The following CHST12 variants were observed in gnomAD, a reference collection of about 807,000 sequenced individuals.
The protein encoded by CHST12 is carbohydrate sulfotransferase 12.
In CHST12, 23 loss-of-function variants were observed where a neutral mutation model predicts 27.9. That is an observed-to-expected ratio of 0.82 (90% CI 0.59 to 1.17). The LOEUF is 1.17. Among genes scored for constraint, CHST12 ranks in the 50% most tolerant of loss-of-function variants. The pLI is 0.00. For missense variants in CHST12, 682 were observed against 603.0 expected, an observed-to-expected ratio of 1.13 and a Z score of -1.37; for synonymous variants, 322 against 273.0, an observed-to-expected ratio of 1.18 and a Z score of -1.77.
intron 1 of CHST12, among the ~76,000 whole-genome samples, chr7:2,410,041 C>T (rs1781624568): frequency 6.6e-6 from 1 of 152,032 alleles, no homozygotes; most frequent in East Asian, 1.9e-4. Flanking sequence ...TTCCTGAGTT[C>T]AAGCAATTAT....
rs1333574687 is a variant in CHST12, at chr7:2,433,675, G to A, written c.1036G>A (p.Asp346Asn). The change falls in exon 2 of 2, where the codon GAC becomes AAC. Residue 346 changes from aspartate to asparagine, a missense_variant. By Grantham distance (23) the Asp-to-Asn change is conservative (BLOSUM62 1). Transcript: ENST00000618655. The surrounding 1 kb of genome is among the most constrained non-coding windows in gnomAD (Gnocchi z 6.1). ...YDFVGKLETL[D>N]EDAAQLLQLL... ...CTTCGTGGGGAAGCTGGAGACTCTGGACGAGGACGCCGCGCAGCTGCTGCA... is the reference window on the plus strand; with the variant it reads ...CTTCGTGGGGAAGCTGGAGACTCTGAACGAGGACGCCGCGCAGCTGCTGCA... The A allele has an allele frequency of 4.3e-6, 7 of 1,613,440 alleles. No individual in the cohort carries two copies. The highest frequency in any genetic ancestry group is 5.1e-6 in the Non-Finnish European group (6 of 1,179,688).
rs570612473 is a variant in CHST12 at position 2,443,123 on chromosome 7, A to C, written c.*9239A>C. On this transcript the variant is annotated 3_prime_UTR_variant, in exon 2 of 2. Transcript: ENST00000618655. ...TTATTTGTTTATTTATTATTTTTTG[A>C]GGTGGAGTCTTGCTGTCACCCAGGC... 6.6e-6 allele frequency: 1 copy of C among 151,836 alleles called. No individual in the cohort carries two copies. The highest frequency in any genetic ancestry group is 6.6e-5 in the Admixed American group (1 of 15,234). 9.4% of individuals were successfully genotyped at this position (151,836 alleles called of 1,614,324 possible).
In CHST12 at chr7:2,445,349, G is replaced by A. The variant is rs1325464643; in HGVS notation, c.*11465G>A. 2.0e-5 allele frequency: 3 copies of A among 152,280 alleles called. No homozygotes were observed. The highest frequency in any genetic ancestry group is 7.2e-5 in the African/African-American group (3 of 41,446). The allele number at this position is 152,280 out of a possible 1,614,324, so 9.4% of individuals were successfully genotyped here. A position where few individuals can be genotyped will look rare whatever the true frequency, so the allele number is the denominator to read the frequency against. ...CATCTTCAGAAAAAAGCTCCTGTGG[G>A]ATATTTCTCCTCCAGCCGACCCCGC... is the stretch of plus-strand genomic sequence containing the variant. On this transcript the variant is annotated 3_prime_UTR_variant, in exon 2 of 2. Transcript: ENST00000618655.
At chr7:2,411,993 C>CAG (rs1781679175) in intron 1 of CHST12, among the ~76,000 whole-genome samples, 1 of 152,152 alleles carries the variant, frequency 6.6e-6, no homozygotes, top group Non-Finnish European at 1.5e-5. Flanking sequence ...GAAGGGCCAA[C>CAG]AGAGGGCTTA....
chr7:2,419,230 G>A (rs1245583920), intron 1 of CHST12, among the ~76,000 whole-genome samples: 2 of 152,110 alleles, frequency 1.3e-5, no homozygotes, highest in Non-Finnish European at 2.9e-5. Context: ...TCAACATGGT[G>A]AAACCCCATC....
chr7:2,433,081 G>C lies in CHST12; in HGVS notation c.442G>C (p.Asp148His), dbSNP rs17132405. Residue 148 changes from aspartate (D) to histidine (H), a missense_variant, in exon 2 of 2, where the codon GAC becomes CAC. Transcript: ENST00000618655. This position sits in a 1 kb window ranked among gnomAD's most constrained non-coding sequence, Gnocchi z 6.1. ...AFPTKERAFD[D>H]IPNSELSHLI... ...CCCCACCAAGGAGCGCGCATTCGAC[G>C]ACATCCCCAACTCGGAGCTGAGCCA... 6.2e-7 allele frequency: 1 copy of C among 1,612,452 alleles called. No homozygotes were observed. The highest frequency in any genetic ancestry group is 1.1e-5 in the South Asian group (1 of 91,064).
chr7:2,414,490 G>A (rs1392491751), intron 1 of CHST12, among the ~76,000 whole-genome samples: 1 of 151,908 alleles, frequency 6.6e-6, no homozygotes, highest in Non-Finnish European at 1.5e-5. Context: ...TCGCCATGTT[G>A]GACAGGCTGG....
In CHST12 at chr7:2,433,170, C is replaced by T. The variant is rs757829489; in HGVS notation, c.531C>T (p.Asn177=). The part of the protein sequence containing the change: ...YCYVPKVACT[N]WKRVMIVLSG... ...ACGTGCCCAAGGTGGCCTGCACCAA[C>T]TGGAAGCGCGTGATGATCGTGCTGA... Residue 177 remains asparagine (N), a synonymous_variant, in exon 2 of 2, where the codon AAC becomes AAT. Coordinates refer to ENST00000618655, the MANE Select transcript of CHST12 (RefSeq NM_018641.5). This position sits in a 1 kb window ranked among gnomAD's most constrained non-coding sequence, Gnocchi z 6.1. 1.2e-6 allele frequency: 2 copies of T among 1,613,116 alleles called. No individual in the cohort carries two copies. Among genetic ancestry groups the T allele is most frequent in the Admixed American group, 1.7e-5 (1 of 60,006 alleles).
chr7:2,404,201 C>G (rs945380888), intron 1 of CHST12: 1 of 152,414 alleles, frequency 6.6e-6, no homozygotes, highest in Non-Finnish European at 1.5e-5. Flanking sequence ...CCAGCAGCAC[C>G]GGCAGGTCGC....
chr7:2,433,738 A>G lies in CHST12; in HGVS notation c.1099A>G (p.Ser367Gly). ...QVDRQLRFPP[S>G]YRNRTASSWE... ...GGACCGGCAGCTCCGCTTCCCCCCGAGCTACCGGAACAGGACCGCCAGCAG... is the reference window on the plus strand; with the variant it reads ...GGACCGGCAGCTCCGCTTCCCCCCGGGCTACCGGAACAGGACCGCCAGCAG... The change falls in exon 2 of 2, where the codon AGC (serine) becomes GGC (glycine). Residue 367 changes from serine to glycine, a missense_variant. Coordinates refer to ENST00000618655, the MANE Select transcript of CHST12 (RefSeq NM_018641.5). The surrounding 1 kb of genome is among the most constrained non-coding windows in gnomAD (Gnocchi z 6.1). The G allele has an allele frequency of 6.2e-7, 1 of 1,613,714 alleles. No homozygotes were observed. The highest frequency in any genetic ancestry group is 8.5e-7 in the Non-Finnish European group (1 of 1,179,976).
chr7:2,405,766 A>G (rs558609025), intron 1 of CHST12, among the ~76,000 whole-genome samples: 4 of 152,212 alleles, frequency 2.6e-5, no homozygotes, highest in Non-Finnish European at 4.4e-5. Flanking sequence ...TGCGATGAGG[A>G]GCGCTGCGGC....
At position 2,433,688 on chromosome 7, in the gene CHST12, C is replaced by A; in HGVS notation, c.1049C>A (p.Ala350Glu). Residue 350 changes from alanine to glutamate, a missense_variant, in exon 2 of 2, where the codon GCG (alanine) becomes GAG (glutamate). Coordinates refer to ENST00000618655, the MANE Select transcript of CHST12 (RefSeq NM_018641.5). The surrounding 1 kb of genome is among the most constrained non-coding windows in gnomAD (Gnocchi z 6.1). ...GKLETLDEDAAQLLQLLQVDR... is the reference protein window; with the variant it reads ...GKLETLDEDAEQLLQLLQVDR... ...CTGGAGACTCTGGACGAGGACGCCG[C>A]GCAGCTGCTGCAGCTACTCCAGGTG... 6.2e-7 allele frequency: 1 copy of A among 1,613,380 alleles called. No homozygotes were observed. Among genetic ancestry groups the A allele is most frequent in the Non-Finnish European group, 8.5e-7 (1 of 1,179,708 alleles).
At chr7:2,415,137 G>A (rs1583211683) in intron 1 of CHST12, among the ~76,000 whole-genome samples, 1 of 152,192 alleles carries the variant, frequency 6.6e-6, no homozygotes, top group African/African-American at 2.4e-5. Flanking sequence ...GGCCAAGGCG[G>A]GTGGATCACC....
chr7:2,410,319 T>C, intron 1 of CHST12, among the ~76,000 whole-genome samples: 1 of 152,182 alleles, frequency 6.6e-6, no homozygotes, highest in African/African-American at 2.4e-5. Flanking sequence ...TTTAAGTCAG[T>C]GCAGGAAGAC....
In CHST12 at chr7:2,433,474, G is replaced by A. The variant is rs774590800; in HGVS notation, c.835G>A (p.Ala279Thr). The part of the protein sequence containing the change: ...KFAVPMLRLY[A>T]NHTSLPASAR... ...CGCCGTGCCCATGCTGCGGCTGTAC[G>A]CCAACCACACCAGCCTGCCCGCCTC... The change falls in exon 2 of 2, where the codon GCC (alanine) becomes ACC (threonine). Residue 279 changes from alanine to threonine, a missense_variant. Ala to Thr is a moderately conservative substitution (Grantham distance 58). Coordinates refer to ENST00000618655, the MANE Select transcript of CHST12 (RefSeq NM_018641.5). The surrounding 1 kb of genome is among the most constrained non-coding windows in gnomAD (Gnocchi z 6.1). 4 of 1,611,010 alleles carry A rather than the reference G, an allele frequency of 2.5e-6. No homozygotes were observed. Among genetic ancestry groups the A allele is most frequent in the Admixed American group, 3.3e-5 (2 of 60,014 alleles).
At chr7:2,407,530 C>T (rs1781555369) in intron 1 of CHST12, among the ~76,000 whole-genome samples, 1 of 152,140 alleles carries the variant, frequency 6.6e-6, no homozygotes, top group East Asian at 1.9e-4. Flanking sequence ...AAAATAATTT[C>T]CTAGAACCCA....
rs79743047 is a variant in CHST12 at position 2,411,490 on chromosome 7, C to CTTTTTTTTTTTTTTT, written c.-78+7821_-78+7835dup. Among the ~76,000 whole-genome samples the CTTTTTTTTTTTTTTT allele has an allele frequency of 5.1e-4, 45 of 87,538 alleles. 5 individuals carry two copies. Among genetic ancestry groups the CTTTTTTTTTTTTTTT allele is most frequent in the African/African-American group, 9.5e-4 (20 of 21,022 alleles). The allele number at this position is 87,538 out of a possible 152,430, so 57.4% of individuals were successfully genotyped here. On this transcript the variant is annotated intron_variant, in intron 1 of 1. Transcript: ENST00000618655. ...ATAATTTCTTTGAGTTAACTTAACT[C>CTTTTTTTTTTTTTTT]TTTTTTTTTTTTTTTTTTGAGACGG... is the stretch of plus-strand genomic sequence containing the variant.
At chr7:2,432,141 CAAAAAAAAAAAAAAAAAAAAA>C (rs34061454) in intron 1 of CHST12, among the ~76,000 whole-genome samples, 9 of 17,114 alleles carry the variant, frequency 5.3e-4, no homozygotes, top group African/African-American at 7.1e-4. Context: ...GACTCCATAT[CAAAAAAAAAAAAAAAAAAAAA>C]AAAAAAAAAA....
At chr7:2,426,736 A>C (rs897418667) in intron 1 of CHST12, among the ~76,000 whole-genome samples, 1 of 151,928 alleles carries the variant, frequency 6.6e-6, no homozygotes, top group African/African-American at 2.4e-5. Context: ...TTATGCCTGT[A>C]ATCCCAGCAC....
Sources: allele counts gnomAD v4.1 joint callset (sites outside exome capture counted in the v4.1 genomes callset), GRCh38; gene constraint gnomAD v4.1.1; non-coding constraint Gnocchi (gnomAD v3.1); transcripts MANE v1.5; gene names NCBI Gene and HGNC (gene_info 2026-07-23, HGNC 2026-07-21).